Variants in RORA observed in about 807,000 individuals in gnomAD.
RORA encodes the protein RAR related orphan receptor A, also known as nuclear receptor ROR-alpha.
In RORA, 7 loss-of-function variants were observed where a neutral mutation model predicts 69.5. That is an observed-to-expected ratio of 0.10 (90% CI 0.06 to 0.19). The LOEUF (loss-of-function observed/expected upper bound fraction) is 0.19. RORA is among the 10% of genes least tolerant of loss of function. The pLI, the probability that RORA is intolerant of heterozygous loss-of-function variation, is 1.00. For missense variants in RORA, 457 were observed against 663.0 expected, an observed-to-expected ratio of 0.69 and a Z score of 3.41; for synonymous variants, 261 against 240.8, an observed-to-expected ratio of 1.08 and a Z score of -0.78.
At chr15:61,044,470 A>G (rs1896931777) in intron 1 of RORA, among the ~76,000 whole-genome samples, 1 of 152,224 alleles carries the variant, frequency 6.6e-6, no homozygotes, top group Non-Finnish European at 1.5e-5. Flanking sequence ...GTCCCAACTG[A>G]AATGTGCTGT....
intron 1 of RORA, among the ~76,000 whole-genome samples, chr15:61,116,030 G>A (rs1175438127): frequency 2.0e-5 from 3 of 152,058 alleles, no homozygotes; most frequent in Non-Finnish European, 2.9e-5. Context: ...CAATGTAAAG[G>A]TGTCCCATAG....
intron 1 of RORA, among the ~76,000 whole-genome samples, chr15:60,874,464 C>T (rs2073592091): frequency 6.6e-6 from 1 of 152,056 alleles, no homozygotes; most frequent in Admixed American, 6.6e-5. Flanking sequence ...TAGTTTTGTG[C>T]CAAGACTGTC....
At chr15:61,191,806 T>C (rs966715640) in intron 1 of RORA, among the ~76,000 whole-genome samples, 1 of 152,222 alleles carries the variant, frequency 6.6e-6, no homozygotes, top group African/African-American at 2.4e-5. Flanking sequence ...TCACATTCTG[T>C]AGTCTCGCAT....
At chr15:60,841,044 A>G in intron 1 of RORA, 1 of 976,676 alleles carries the variant, frequency 1.0e-6, no homozygotes, top group Non-Finnish European at 1.2e-6. Context: ...TTAGGCATTG[A>G]AAGTAAAAAC....
At chr15:60,991,691 A>G (rs988439068) in intron 1 of RORA, among the ~76,000 whole-genome samples, 2 of 152,144 alleles carry the variant, frequency 1.3e-5, no homozygotes, top group African/African-American at 2.4e-5. Flanking sequence ...TGATCCCAGC[A>G]GTTCAAGGCT....
At chr15:60,934,993 T>C (rs1286935241) in intron 1 of RORA, among the ~76,000 whole-genome samples, 1 of 152,238 alleles carries the variant, frequency 6.6e-6, no homozygotes, top group Non-Finnish European at 1.5e-5. Context: ...CTCTACACAT[T>C]ATAAGCTCAT....
chr15:60,660,217 GATA>G (rs748383207), intron 2 of RORA, among the ~76,000 whole-genome samples: 2 of 152,148 alleles, frequency 1.3e-5, no homozygotes, highest in Non-Finnish European at 2.9e-5. Flanking sequence ...CTGGAACACA[GATA>G]ATGTGAAGGT....
At chr15:60,617,113 G>C (rs1002618854) in intron 2 of RORA, among the ~76,000 whole-genome samples, 2 of 152,196 alleles carry the variant, frequency 1.3e-5, no homozygotes, top group Non-Finnish European at 2.9e-5. Context: ...TCAGAGGCAG[G>C]GGTGATATGA....
rs180860922 is a variant in RORA at position 61,002,182 on chromosome 15, G to C, written c.166+226871C>G. Among the ~76,000 whole-genome samples the C allele has an allele frequency of 2.6e-4, 40 of 152,334 alleles. 1 individual carries two copies. The highest frequency in any genetic ancestry group is 1.8e-3 in the Admixed American group (28 of 15,302). ...GGAAGGAGGACTTAGTCCCAGGAAG[G>C]CTGGCCCTCCCATCTGGCCACCCTG... On this transcript the variant is annotated intron_variant, in intron 1 of 10. Coordinates refer to ENST00000335670, the MANE Select transcript of RORA (RefSeq NM_134261.3).
At chr15:61,039,472 T>C (rs962894627) in intron 1 of RORA, among the ~76,000 whole-genome samples, 1 of 151,956 alleles carries the variant, frequency 6.6e-6, no homozygotes, top group Admixed American at 6.6e-5. Context: ...AAACAGATGG[T>C]TGGGAGGCCG....
intron 2 of RORA, among the ~76,000 whole-genome samples, chr15:60,640,219 C>T (rs1457071352): frequency 1.3e-5 from 2 of 152,180 alleles, no homozygotes; most frequent in Non-Finnish European, 2.9e-5. Flanking sequence ...CGCCCTTCCC[C>T]TTCTCCCCTT....
intron 2 of RORA, among the ~76,000 whole-genome samples, chr15:60,638,596 G>A (rs191481622): frequency 3.9e-5 from 6 of 152,118 alleles, no homozygotes; most frequent in Non-Finnish European, 7.4e-5. Flanking sequence ...AAATGAGACA[G>A]GACATAGCTA....
At chr15:60,947,007 G>T (rs75747176) in intron 1 of RORA, among the ~76,000 whole-genome samples, 1 of 151,088 alleles carries the variant, frequency 6.6e-6, no homozygotes, top group Admixed American at 6.6e-5. Flanking sequence ...GCCCCTTCCG[G>T]GAGGGAGGTG....
At chr15:60,644,312 G>C (rs2069997278) in intron 2 of RORA, among the ~76,000 whole-genome samples, 1 of 152,166 alleles carries the variant, frequency 6.6e-6, no homozygotes, top group Admixed American at 6.5e-5. Context: ...AGGCCTCAAA[G>C]AACTCAAGCA....
Position 60,714,983 on chromosome 15 carries a change from G to GTCT in RORA, c.167-36300_167-36298dup, listed in dbSNP as rs551894331. 1.8e-4 allele frequency among the ~76,000 whole-genome samples: 27 copies of GTCT among 152,288 alleles called. No homozygotes were observed. In the South Asian group the frequency reaches 5.2e-3, roughly 29 times the overall value. ...GGGTAAAGATGGGGCTGGAATTCAA[G>GTCT]TCTTTTGGCTTCCCATCAAATGAAT... On this transcript the variant is annotated intron_variant, in intron 1 of 10. Coordinates refer to ENST00000335670, the MANE Select transcript of RORA (RefSeq NM_134261.3).
chr15:60,532,628 A>G (rs1167676774), intron 2 of RORA, among the ~76,000 whole-genome samples: 10 of 152,208 alleles, frequency 6.6e-5, no homozygotes, highest in Admixed American at 5.9e-4. Context: ...GCACATTTCT[A>G]AGCAAACACA....
chr15:60,522,434 A>G (rs1018042266), intron 3 of RORA, among the ~76,000 whole-genome samples: 3 of 152,128 alleles, frequency 2.0e-5, no homozygotes, highest in Admixed American at 6.5e-5. Flanking sequence ...TGATGGCCCA[A>G]TGCAGTGGCT....
chr15:60,547,325 T>TC (rs11284521), intron 2 of RORA, among the ~76,000 whole-genome samples: 1 of 26,616 alleles, frequency 3.8e-5, no homozygotes, highest in Admixed American at 6.6e-4. Flanking sequence ...CCTCTCCTCC[T>TC]TTTTTTTTTT....
At chr15:61,146,380 A>G (rs1460933458) in intron 1 of RORA, among the ~76,000 whole-genome samples, 3 of 152,128 alleles carry the variant, frequency 2.0e-5, no homozygotes, top group African/African-American at 7.2e-5. Context: ...AAAATCACAG[A>G]TTAATTGTTG....
Sources: gnomAD v4.1 joint callset for allele counts (sites outside exome capture counted in the v4.1 genomes callset) on GRCh38, gnomAD v4.1.1 for gene constraint, MANE v1.5 for transcripts, NCBI Gene and HGNC (gene_info 2026-07-23, HGNC 2026-07-21) for gene names.